Variants in CEP170 observed in about 807,000 individuals in gnomAD.
CEP170 encodes centrosomal protein 170.
In CEP170, 21 loss-of-function variants were observed where a neutral mutation model predicts 151.9. The observed-to-expected ratio is 0.14, with a 90% CI of 0.10 to 0.20. The LOEUF (loss-of-function observed/expected upper bound fraction) is 0.20, where lower values mean the gene tolerates loss of function less well. Ranked by LOEUF, CEP170 falls within the 10% of genes least tolerant of loss-of-function variation. The pLI is 1.00. For synonymous variants in CEP170, 356 were observed against 648.8 expected (o/e 0.55, Z 6.86); for missense variants, 964 against 1,892.9 (o/e 0.51, Z 9.11).
chr1:243,166,042 T>C lies in CEP170; in HGVS notation c.1918A>G (p.Arg640Gly). ...AGCTGGGGAAGAGTTCGTCTCCTTCTCTCTCCCTGGCTAGCCAAGGAAGTT... is the reference window on the plus strand; with the variant it reads ...AGCTGGGGAAGAGTTCGTCTCCTTCCCTCTCCCTGGCTAGCCAAGGAAGTT... ...SATSLASQGERRRRTLPQLPN... is the reference protein window; with the variant it reads ...SATSLASQGEGRRRTLPQLPN... The change falls in exon 13 of 20, where the codon AGA becomes GGA. Residue 640 changes from arginine (R) to glycine (G), a missense_variant. Arg to Gly is a moderately radical substitution (Grantham distance 125). Transcript: ENST00000366542. 3.7e-6 allele frequency: 6 copies of C among 1,612,532 alleles called. No homozygotes were observed. Among genetic ancestry groups the C allele is most frequent in the Non-Finnish European group, 5.1e-6 (6 of 1,179,156 alleles).
chr1:243,172,695 A>G lies in CEP170; in HGVS notation c.1716+2T>C. 5 of 1,583,642 alleles carry G rather than the reference A, an allele frequency of 3.2e-6. No individual in the cohort carries two copies. Among genetic ancestry groups the G allele is most frequent in the Non-Finnish European group, 3.4e-6 (4 of 1,166,950 alleles). On this transcript the variant is annotated splice_donor_variant, in intron 11 of 19. Coordinates refer to ENST00000366542, the MANE Select transcript of CEP170 (RefSeq NM_014812.3). LOFTEE classifies it high-confidence loss of function. Reference sequence around the variant, plus strand: ...AAATAGGTACACAGAAGAGATGTATACCTCTGAGTGGTGAAATCCAGATGT... The same window carrying G: ...AAATAGGTACACAGAAGAGATGTATGCCTCTGAGTGGTGAAATCCAGATGT...
intron 13 of CEP170, chr1:243,163,025 G>A (rs1222778652): frequency 6.6e-6 from 1 of 152,028 alleles, no homozygotes; most frequent in Non-Finnish European, 1.5e-5. Context: ...TTCACCCTAC[G>A]TCCATTTCTA....
rs2057892319 is a variant in CEP170 at position 243,159,763 on chromosome 1, T to TGTGTGTGTGTGTGTGTG, written c.3677-3309_3677-3308insCACACACACACACACAC. 1.3e-4 allele frequency among the ~76,000 whole-genome samples: 16 copies of TGTGTGTGTGTGTGTGTG among 127,162 alleles called. No individual in the cohort carries two copies. In the East Asian group the frequency reaches 2.4e-3, roughly 19 times the overall value. 83.4% of individuals were successfully genotyped at this position (127,162 alleles called of 152,430 possible). On this transcript the variant is annotated intron_variant, in intron 13 of 19. Coordinates refer to ENST00000366542, the MANE Select transcript of CEP170 (RefSeq NM_014812.3). ...ACATTCTACATTTTTGTTTCCGGTT[T>TGTGTGTGTGTGTGTGTG]TGTGTGTGTGTGTGTGTGTGTGTGT...
At chr1:243,151,869 C>T (rs1271230312) in intron 14 of CEP170, among the ~76,000 whole-genome samples, 2 of 152,170 alleles carry the variant, frequency 1.3e-5, no homozygotes, top group Admixed American at 1.3e-4. Flanking sequence ...CAGGCTGACT[C>T]TCTTGTTAGG....
intron 3 of CEP170, among the ~76,000 whole-genome samples, chr1:243,217,140 T>C (rs553934851): frequency 2.6e-5 from 4 of 152,176 alleles, no homozygotes; most frequent in African/African-American, 7.2e-5. Context: ...GTAACACAGA[T>C]AGGAATTCTT....
intron 4 of CEP170, among the ~76,000 whole-genome samples, chr1:243,208,356 A>G (rs1283186449): frequency 1.3e-5 from 2 of 151,722 alleles, no homozygotes; most frequent in African/African-American, 4.8e-5. Flanking sequence ...GTCATTTATC[A>G]CTCCGATTAA....
At chr1:243,136,682 A>G (rs1423356294) in intron 16 of CEP170, among the ~76,000 whole-genome samples, 1 of 152,280 alleles carries the variant, frequency 6.6e-6, no homozygotes, top group Admixed American at 6.5e-5. Flanking sequence ...CTAGTGGGAA[A>G]GATACATTTT....
At chr1:243,225,967 A>ATATCTATC (rs149086692) in intron 1 of CEP170, among the ~76,000 whole-genome samples, 22 of 148,900 alleles carry the variant, frequency 1.5e-4, no homozygotes, top group Non-Finnish European at 2.4e-4. Flanking sequence ...TGGGCAATAC[A>ATATCTATC]TATCTATCTA....
chr1:243,179,613 A>T (rs2789097), intron 10 of CEP170, among the ~76,000 whole-genome samples: 1 of 152,054 alleles, frequency 6.6e-6, no homozygotes, highest in African/African-American at 2.4e-5. Flanking sequence ...TTGTGGGGGC[A>T]TGGTTGGATT....
intron 4 of CEP170, among the ~76,000 whole-genome samples, chr1:243,209,685 G>T (rs1478196449): frequency 4.9e-5 from 7 of 143,248 alleles, no homozygotes; most frequent in Non-Finnish European, 7.7e-5. Flanking sequence ...ATAACAGATG[G>T]TTTTTTTTTT....
chr1:243,148,722 A>G (rs2056779290), intron 14 of CEP170, among the ~76,000 whole-genome samples: 1 of 152,206 alleles, frequency 6.6e-6, no homozygotes, highest in African/African-American at 2.4e-5. Flanking sequence ...CATATATTTG[A>G]CTTACATACC....
intron 14 of CEP170, among the ~76,000 whole-genome samples, chr1:243,149,896 T>C (rs2056897318): frequency 1.3e-5 from 2 of 151,900 alleles, no homozygotes; most frequent in Non-Finnish European, 2.9e-5. Flanking sequence ...AAATTACAAG[T>C]AATTTGGTTT....
At chr1:243,206,209 T>C (rs1018767564) in intron 4 of CEP170, among the ~76,000 whole-genome samples, 5 of 152,158 alleles carry the variant, frequency 3.3e-5, no homozygotes, top group African/African-American at 7.2e-5. Flanking sequence ...TCTTGGCTCA[T>C]TGCAACCTCC....
chr1:243,131,923 ACCAATTCCCTAGTACTAG>A (rs2148195571), intron 17 of CEP170, among the ~76,000 whole-genome samples: 1 of 152,364 alleles, frequency 6.6e-6, no homozygotes, highest in East Asian at 1.9e-4. Flanking sequence ...ATGAGCCATA[ACCAATTCCCTAGTACTAG>A]CCCTTAAAAC....
At chr1:243,224,223 T>C (rs1178177621) in intron 2 of CEP170, among the ~76,000 whole-genome samples, 4 of 152,206 alleles carry the variant, frequency 2.6e-5, no homozygotes, top group Admixed American at 6.5e-5. Context: ...TAATCACGTT[T>C]CTGATACTAA....
intron 3 of CEP170, among the ~76,000 whole-genome samples, chr1:243,218,975 A>G (rs2062556504): frequency 6.6e-6 from 1 of 152,198 alleles, no homozygotes; most frequent in Admixed American, 6.5e-5. Context: ...TTAAAGTTCT[A>G]GAATAATATG....
At position 243,165,503 on chromosome 1, in the gene CEP170, C is replaced by T; in HGVS notation, c.2457G>A (p.Gln819=). 6.2e-7 allele frequency: 1 copy of T among 1,605,106 alleles called. No homozygotes were observed. The highest frequency in any genetic ancestry group is 8.5e-7 in the Non-Finnish European group (1 of 1,175,540). ...RRKAEEILKS[Q]TPKGGDKKES... is the part of the protein sequence containing the mutation. Reference sequence around the variant, plus strand: ...CCTTCTTGTCTCCTCCCTTTGGAGTCTGACTTTTCAGAATTTCCTCAGCTT... The same window carrying T: ...CCTTCTTGTCTCCTCCCTTTGGAGTTTGACTTTTCAGAATTTCCTCAGCTT... Residue 819 remains glutamine (Q), a synonymous_variant, in exon 13 of 20, where the codon CAG becomes CAA. Transcript: ENST00000366542.
At chr1:243,248,933 T>A (rs1048432887) in intron 1 of CEP170, among the ~76,000 whole-genome samples, 1 of 152,176 alleles carries the variant, frequency 6.6e-6, no homozygotes, top group East Asian at 1.9e-4. Context: ...CCACCGCACC[T>A]GAGTAGAATA....
chr1:243,252,890 C>T (rs2066069886), intron 1 of CEP170, among the ~76,000 whole-genome samples: 1 of 151,918 alleles, frequency 6.6e-6, no homozygotes. Context: ...CAATAAAAAA[C>T]ATAAAGTTAA....
Sources: gnomAD v4.1 joint callset for allele counts (sites outside exome capture counted in the v4.1 genomes callset) on GRCh38, gnomAD v4.1.1 for gene constraint, MANE v1.5 for transcripts, NCBI Gene and HGNC (gene_info 2026-07-23, HGNC 2026-07-21) for gene names.